The following STPG2 variants were observed in gnomAD, a reference collection of about 807,000 sequenced individuals.
STPG2 encodes the protein sperm tail PG-rich repeat containing 2.
STPG2 carries 56 observed loss-of-function variants against 54.2 expected under a neutral mutation model. That is an observed-to-expected ratio of 1.03 (90% CI 0.83 to 1.29). The LOEUF (loss-of-function observed/expected upper bound fraction) is 1.29. STPG2 is among the 50% of genes most tolerant of loss of function. The pLI is 0.00. For synonymous variants in STPG2, 200 were observed against 181.8 expected (o/e 1.10, Z -0.81); for missense variants, 596 against 544.9 (o/e 1.09, Z -0.93).
chr4:98,024,715 C>T (rs1736358470), intron 5 of STPG2, among the ~76,000 whole-genome samples: 1 of 152,156 alleles, frequency 6.6e-6, no homozygotes, highest in African/African-American at 2.4e-5. Flanking sequence ...CATTTGATAG[C>T]ATCATTTCAT....
intron 3 of STPG2, among the ~76,000 whole-genome samples, chr4:98,125,391 T>C (rs1011644273): frequency 2.6e-5 from 4 of 152,032 alleles, no homozygotes; most frequent in African/African-American, 9.7e-5. Context: ...GTTGTTGTTG[T>C]TGCTGTTTGT....
Position 97,728,216 on chromosome 4 carries a change from C to CA in STPG2, c.1205-15403dup, listed in dbSNP as rs1013239773. Among the ~76,000 whole-genome samples the CA allele has an allele frequency of 5.0e-4, 74 of 148,342 alleles. No homozygotes were observed. In the Middle Eastern group the frequency reaches 0.01, roughly 21 times the overall value. Reference sequence around the variant, plus strand: ...ATCTTCAACCTCTTTCTCCTCTAATCAAAAAAAAAATCTCAGCAGCATAGT... The same window carrying CA: ...ATCTTCAACCTCTTTCTCCTCTAATCAAAAAAAAAAATCTCAGCAGCATAGT... On this transcript the variant is annotated intron_variant, in intron 9 of 10. Coordinates refer to ENST00000295268, the MANE Select transcript of STPG2 (RefSeq NM_174952.3).
chr4:97,737,174 T>A (rs1029691890), intron 9 of STPG2, among the ~76,000 whole-genome samples: 1 of 152,086 alleles, frequency 6.6e-6, no homozygotes, highest in Non-Finnish European at 1.5e-5. Context: ...GGAAAACTAA[T>A]GAACAGAAAG....
Position 97,770,866 on chromosome 4 carries a change from G to T in STPG2, c.1205-58052C>A, listed in dbSNP as rs1726196041. Among the ~76,000 whole-genome samples, 3 of 152,164 alleles carry T rather than the reference G, an allele frequency of 2.0e-5. No individual in the cohort carries two copies. The South Asian group carries it at 6.2e-4, about 31-fold the overall frequency. Reference sequence around the variant, plus strand: ...AGGCAGGGATGGGATGAGTCAGGCAGTTGATTTTTTAGAAGCTCTTTTTTC... The same window carrying T: ...AGGCAGGGATGGGATGAGTCAGGCATTTGATTTTTTAGAAGCTCTTTTTTC... On this transcript the variant is annotated intron_variant, in intron 9 of 10. Transcript: ENST00000295268.
At chr4:97,922,118 T>A (rs181827862) in intron 8 of STPG2, among the ~76,000 whole-genome samples, 1 of 152,294 alleles carries the variant, frequency 6.6e-6, no homozygotes, top group East Asian at 1.9e-4. Context: ...CTGAAGTTAA[T>A]AATAATAGGT....
chr4:98,107,346 C>A (rs28390295), intron 4 of STPG2, among the ~76,000 whole-genome samples: 59,969 of 151,716 alleles, frequency 0.4, 12,065 homozygotes, highest in Middle Eastern at 0.46. Flanking sequence ...CCAGAAGGAA[C>A]TGAGACAACT....
intron 8 of STPG2, among the ~76,000 whole-genome samples, chr4:97,874,815 C>T (rs59085980): frequency 0.027 from 4,088 of 151,466 alleles, 188 homozygotes; most frequent in African/African-American, 0.092. Context: ...GAGGGTGGAG[C>T]CCATATGTTG....
intron 4 of STPG2, among the ~76,000 whole-genome samples, chr4:97,521,769 T>C (rs1307870521): frequency 1.3e-5 from 2 of 151,930 alleles, no homozygotes; most frequent in African/African-American, 2.4e-5. Context: ...AAGAAAAATA[T>C]CTTCCATGTC....
At chr4:97,779,238 T>C (rs1355038131) in intron 9 of STPG2, among the ~76,000 whole-genome samples, 1 of 152,150 alleles carries the variant, frequency 6.6e-6, no homozygotes, top group African/African-American at 2.4e-5. Flanking sequence ...AGTCCTTAAA[T>C]GACCTGATGG....
At chr4:98,001,180 A>G (rs1454143271) in intron 5 of STPG2, among the ~76,000 whole-genome samples, 1 of 152,108 alleles carries the variant, frequency 6.6e-6, no homozygotes, top group Non-Finnish European at 1.5e-5. Context: ...AGTAAAGTAA[A>G]TATGAGTAAA....
chr4:98,048,916 G>C (rs10034619), intron 5 of STPG2: 59,455 of 152,828 alleles, frequency 0.39, 11,808 homozygotes, highest in Middle Eastern at 0.46. Context: ...AGAAAAGTTT[G>C]AAGTCAAAAA....
At chr4:97,635,135 G>A (rs867211540) in intron 10 of STPG2, among the ~76,000 whole-genome samples, 80 of 152,074 alleles carry the variant, frequency 5.3e-4, no homozygotes, top group African/African-American at 1.7e-3. Context: ...GACTAACAGC[G>A]GATCTCTCAG....
intron 4 of STPG2, among the ~76,000 whole-genome samples, chr4:97,526,312 CTAT>C (rs1731279200): frequency 6.6e-6 from 1 of 152,020 alleles, no homozygotes; most frequent in African/African-American, 2.4e-5. Flanking sequence ...TGTATTTCAA[CTAT>C]GATATATAAA....
intron 9 of STPG2, among the ~76,000 whole-genome samples, chr4:97,740,983 C>A (rs1319126174): frequency 2.0e-5 from 3 of 152,236 alleles, no homozygotes; most frequent in Admixed American, 1.3e-4. Context: ...ACTACAGTAA[C>A]CAAAACAGCA....
intron 3 of STPG2, among the ~76,000 whole-genome samples, chr4:98,117,028 A>G (rs1015437098): frequency 1.3e-5 from 2 of 152,012 alleles, no homozygotes; most frequent in African/African-American, 4.8e-5. Context: ...ATTTACCTTT[A>G]TCATTGTTCT....
At chr4:97,718,328 A>G (rs1192658739) in intron 9 of STPG2, among the ~76,000 whole-genome samples, 1 of 152,048 alleles carries the variant, frequency 6.6e-6, no homozygotes, top group Non-Finnish European at 1.5e-5. Flanking sequence ...AATTGTGACT[A>G]TTTTCCATTT....
At chr4:97,581,763 G>A (rs564359072) in intron 10 of STPG2, among the ~76,000 whole-genome samples, 13 of 152,066 alleles carry the variant, frequency 8.5e-5, no homozygotes, top group South Asian at 2.1e-4. Context: ...TAGCTATAAC[G>A]TGCTTAGAAA....
Position 97,585,101 on chromosome 4 carries a change from C to CAAA in STPG2, c.1321-25987_1321-25985dup, listed in dbSNP as rs60854805. Among the ~76,000 whole-genome samples the CAAA allele has an allele frequency of 7.7e-3, 356 of 46,238 alleles. 30 individuals carry two copies. The highest frequency in any genetic ancestry group is 0.029 in the African/African-American group (235 of 8,074). The allele number at this position is 46,238 out of a possible 152,430, so 30.3% of individuals were successfully genotyped here. On this transcript the variant is annotated intron_variant, in intron 10 of 10. Coordinates refer to ENST00000295268, the MANE Select transcript of STPG2 (RefSeq NM_174952.3). ...ACCAGGAAAGGACATAAAATATTCT[C>CAAA]AAAAAAAAAAAAAAAAAAAAAAACA...
chr4:97,872,409 A>T (rs1286746414), intron 8 of STPG2, among the ~76,000 whole-genome samples: 3 of 151,254 alleles, frequency 2.0e-5, no homozygotes, highest in Admixed American at 2.0e-4. Context: ...ATAATAAAAT[A>T]ATTTAGTAAG....
Sources: allele counts gnomAD v4.1 joint callset (sites outside exome capture counted in the v4.1 genomes callset), GRCh38; gene constraint gnomAD v4.1.1; transcripts MANE v1.5; gene names NCBI Gene and HGNC (gene_info 2026-07-23, HGNC 2026-07-21).